PI4K2B: variants seen among roughly 807,000 people sequenced by gnomAD.
The protein encoded by PI4K2B is phosphatidylinositol 4-kinase type 2 beta.
In PI4K2B, 46 loss-of-function variants were observed where a neutral mutation model predicts 56.6. That is an observed-to-expected ratio of 0.81 (90% CI 0.64 to 1.04). PI4K2B has a LOEUF of 1.04. Ranked by LOEUF, PI4K2B falls within the 50% of genes least tolerant of loss-of-function variation. The probability of loss-of-function intolerance (pLI) is 0.00; values close to 1 mark genes in which losing one functional copy is unlikely to be tolerated. For synonymous variants in PI4K2B, 211 were observed against 223.8 expected, an observed-to-expected ratio of 0.94 and a Z score of 0.51; for missense variants, 556 against 607.7, an observed-to-expected ratio of 0.91 and a Z score of 0.89.
intron 7 of PI4K2B, among the ~76,000 whole-genome samples, chr4:25,264,999 C>G (rs1170813120): frequency 6.6e-6 from 1 of 152,006 alleles, no homozygotes; most frequent in Non-Finnish European, 1.5e-5. Context: ...AGTTTGAGAT[C>G]AGCCTGGGCA....
At chr4:25,243,862 A>G (rs1715648368) in intron 1 of PI4K2B, among the ~76,000 whole-genome samples, 1 of 152,210 alleles carries the variant, frequency 6.6e-6, no homozygotes. Flanking sequence ...GATCTGGTCA[A>G]GGTCCCAGTG....
At chr4:25,257,499 A>G (rs1406011774) in intron 4 of PI4K2B, among the ~76,000 whole-genome samples, 2 of 152,218 alleles carry the variant, frequency 1.3e-5, no homozygotes, top group African/African-American at 4.8e-5. Context: ...GGCAGCAGCT[A>G]TGTTTACTTA....
rs112267369 is a variant in PI4K2B, at chr4:25,277,326, C to G, written c.*139C>G. ...TTAAAAGGTTGTATTTTGAATGTAA[C>G]CAAAAGTTTACAGTTTTTTGTCCAA... On this transcript the variant is annotated 3_prime_UTR_variant, in exon 10 of 10. Transcript: ENST00000264864. The G allele has an allele frequency of 2.0e-6, 2 of 1,014,172 alleles. No individual in the cohort carries two copies. Among genetic ancestry groups the G allele is most frequent in the Non-Finnish European group, 2.6e-6 (2 of 757,834 alleles). 62.8% of individuals were successfully genotyped at this position (1,014,172 alleles called of 1,614,324 possible). A position where few individuals can be genotyped will look rare whatever the true frequency, so the allele number is the denominator to read the frequency against.
At position 25,276,942 on chromosome 4, in the gene PI4K2B, G is replaced by T. The variant is rs994331797; in HGVS notation, c.1273-72G>T. On this transcript the variant is annotated intron_variant, in intron 9 of 9. Coordinates refer to ENST00000264864, the MANE Select transcript of PI4K2B (RefSeq NM_018323.4). The stretch of plus-strand genomic sequence containing the variant: ...GAAATAAAAATTATAATGAATAAAT[G>T]GTTTAAAAAATGTCAGTGAAGTGAA... The T allele has an allele frequency of 2.5e-5, 37 of 1,459,946 alleles. No individual in the cohort carries two copies. In the African/African-American group the frequency reaches 4.6e-4, roughly 18 times the overall value. The allele number at this position is 1,459,946 out of a possible 1,614,324, so 90.4% of individuals were successfully genotyped here.
At position 25,270,046 on chromosome 4, in the gene PI4K2B, C is replaced by T. The variant is rs1037186517; in HGVS notation, c.1272+843C>T. ...TAGGTATTTTTGACCTTGTTGTATA[C>T]TGTTTATTTAGCTCAGTGTTTCCCC... On this transcript the variant is annotated intron_variant, in intron 9 of 9. Coordinates refer to ENST00000264864, the MANE Select transcript of PI4K2B (RefSeq NM_018323.4). Among the ~76,000 whole-genome samples the T allele has an allele frequency of 7.2e-5, 11 of 152,118 alleles. No individual in the cohort carries two copies. In the East Asian group the frequency reaches 1.9e-3, roughly 27 times the overall value.
In PI4K2B at chr4:25,256,524, C is replaced by G; in HGVS notation, c.625-19C>G. ...TATAATGCAAATTCTAACCATTTTT[C>G]TGAATTGTATGTTTCTAGGTGGTTT... On this transcript the variant is annotated intron_variant, in intron 3 of 9. Transcript: ENST00000264864. The G allele has an allele frequency of 6.2e-7, 1 of 1,600,218 alleles. No homozygotes were observed. Among genetic ancestry groups the G allele is most frequent in the African/African-American group, 1.4e-5 (1 of 73,760 alleles).
chr4:25,273,700 C>T (rs922192656), intron 9 of PI4K2B, among the ~76,000 whole-genome samples: 2 of 152,212 alleles, frequency 1.3e-5, no homozygotes, highest in Admixed American at 1.3e-4. Flanking sequence ...TCTAAGTTGA[C>T]CTTCCCTCTT....
chr4:25,257,863 A>G (rs1010435570), intron 4 of PI4K2B, among the ~76,000 whole-genome samples: 5 of 152,240 alleles, frequency 3.3e-5, no homozygotes, highest in East Asian at 1.9e-4. Context: ...GGTCTTAGTT[A>G]TAAGTATTTT....
At chr4:25,255,695 T>C (rs529949722) in intron 3 of PI4K2B, among the ~76,000 whole-genome samples, 1 of 152,370 alleles carries the variant, frequency 6.6e-6, no homozygotes, top group South Asian at 2.1e-4. Flanking sequence ...ATTTCTCTGC[T>C]TATGCAGTCC....
chr4:25,253,023 A>C (rs1716125743), intron 2 of PI4K2B, among the ~76,000 whole-genome samples: 1 of 152,224 alleles, frequency 6.6e-6, no homozygotes, highest in South Asian at 2.1e-4. Flanking sequence ...CATTTATTGA[A>C]TACCCACATT....
intron 9 of PI4K2B, among the ~76,000 whole-genome samples, chr4:25,270,172 C>G (rs1229453453): frequency 6.6e-6 from 1 of 152,096 alleles, no homozygotes; most frequent in Non-Finnish European, 1.5e-5. Context: ...GTACCAAGTT[C>G]TGTTGTCAAT....
intron 6 of PI4K2B, 46 bp downstream of exon 6, chr4:25,260,637 TATATACACAC>T (rs1373138936): frequency 1.4e-4 from 7 of 49,608 alleles, no homozygotes; most frequent in African/African-American, 3.2e-4. Context: ...TATATATATA[TATATACACAC>T]ACACACACAC....
chr4:25,245,710 G>A (rs1715737710), intron 1 of PI4K2B, among the ~76,000 whole-genome samples: 1 of 152,172 alleles, frequency 6.6e-6, no homozygotes, highest in African/African-American at 2.4e-5. Context: ...AGAATAGCAA[G>A]TGAAAGGGGT....
At chr4:25,273,368 A>G (rs1716978166) in intron 9 of PI4K2B, among the ~76,000 whole-genome samples, 2 of 152,236 alleles carry the variant, frequency 1.3e-5, no homozygotes, top group African/African-American at 2.4e-5. Flanking sequence ...TGAAAACATA[A>G]TGAACTTACC....
intron 1 of PI4K2B, among the ~76,000 whole-genome samples, chr4:25,238,546 G>T (rs1715366787): frequency 6.6e-6 from 1 of 152,118 alleles, no homozygotes; most frequent in South Asian, 2.1e-4. Context: ...TGTTCCTTCT[G>T]ATGTTCGGAT....
chr4:25,272,854 C>A (rs1716951426), intron 9 of PI4K2B, among the ~76,000 whole-genome samples: 1 of 151,318 alleles, frequency 6.6e-6, no homozygotes, highest in Admixed American at 6.6e-5. Context: ...CAGAGAAAGA[C>A]CTTGTCTCTA....
intron 9 of PI4K2B, among the ~76,000 whole-genome samples, chr4:25,270,514 T>C (rs2109024678): frequency 6.6e-6 from 1 of 152,128 alleles, no homozygotes; most frequent in East Asian, 1.9e-4. Context: ...CCCAGCTAAT[T>C]TTTTTGTATC....
chr4:25,259,472 T>C (rs1039014504), intron 5 of PI4K2B, among the ~76,000 whole-genome samples: 10 of 152,168 alleles, frequency 6.6e-5, no homozygotes, highest in African/African-American at 2.4e-4. Context: ...CTGCATAATG[T>C]GAGTAATTAA....
intron 9 of PI4K2B, chr4:25,276,643 A>G: frequency 1.0e-6 from 1 of 983,746 alleles, no homozygotes; most frequent in Non-Finnish European, 1.2e-6. Flanking sequence ...TTAAAACCAG[A>G]CTGTTTAAAC....
Sources: allele counts gnomAD v4.1 joint callset (sites outside exome capture counted in the v4.1 genomes callset), GRCh38; gene constraint gnomAD v4.1.1; transcripts MANE v1.5; gene names NCBI Gene and HGNC (gene_info 2026-07-23, HGNC 2026-07-21).